Variants in SNRNP48 observed in about 807,000 individuals in gnomAD.
SNRNP48 encodes the protein U11/U12 small nuclear ribonucleoprotein 48 kDa protein.
SNRNP48 carries 43 observed loss-of-function variants against 47.0 expected under a neutral mutation model. The observed-to-expected ratio is 0.92, with a 90% CI of 0.72 to 1.18. SNRNP48 has a LOEUF of 1.18. SNRNP48 is among the 50% of genes most tolerant of loss of function. The probability of loss-of-function intolerance (pLI) is 0.00; values close to 1 mark genes in which losing one functional copy is unlikely to be tolerated. For missense variants in SNRNP48, 396 were observed against 422.2 expected, an observed-to-expected ratio of 0.94 and a Z score of 0.54; for synonymous variants, 138 against 144.0, an observed-to-expected ratio of 0.96 and a Z score of 0.30.
intron 3 of SNRNP48, 135 bp downstream of exon 3, chr6:7,594,294 T>G: frequency 4.5e-6 from 2 of 439,878 alleles, no homozygotes; most frequent in Non-Finnish European, 8.1e-6. Flanking sequence ...AATGTAGAAT[T>G]AATTAATGTA....
In SNRNP48 at chr6:7,605,502, T is replaced by C; in HGVS notation, c.806+16T>C. The C allele has an allele frequency of 1.2e-6, 2 of 1,605,358 alleles. No homozygotes were observed. The highest frequency in any genetic ancestry group is 8.5e-7 in the Non-Finnish European group (1 of 1,172,870). On this transcript the variant is annotated intron_variant, in intron 7 of 8. Coordinates refer to ENST00000342415, the MANE Select transcript of SNRNP48 (RefSeq NM_152551.4). ...ATGCCGAAAAGTACGTCATTATCTT[T>C]ATTGGTGAAAATACTCTCTCTTTGA...
Position 7,590,329 on chromosome 6 carries a change from C to T in SNRNP48, c.72C>T (p.Ser24=). The T allele has an allele frequency of 4.3e-6, 6 of 1,406,092 alleles. No homozygotes were observed. Among genetic ancestry groups the T allele is most frequent in the Non-Finnish European group, 4.7e-6 (5 of 1,066,062 alleles). 87.1% of individuals were successfully genotyped at this position (1,406,092 alleles called of 1,614,324 possible). The change falls in exon 1 of 9, where the codon AGC becomes AGT. Residue 24 remains serine (S), a synonymous_variant. Coordinates refer to ENST00000342415, the MANE Select transcript of SNRNP48 (RefSeq NM_152551.4). ...LQEELNEFVE[S]GCRTLEEVTA... is the part of the protein sequence containing the mutation. ...AGGAGCTGAACGAGTTCGTGGAGAG[C>T]GGCTGCCGGACGTTGGAGGAGGTGA...
Position 7,601,459 on chromosome 6 carries a change from C to G in SNRNP48, c.530C>G (p.Ser177Cys), listed in dbSNP as rs1760020163. Reference sequence around the variant, plus strand: ...GTTGAGGAGACAAAGAAAAAGCGCTCTGATTCTCAAATTATTGAAAATGAC... The same window carrying G: ...GTTGAGGAGACAAAGAAAAAGCGCTGTGATTCTCAAATTATTGAAAATGAC... ...FVVEETKKKRSDSQIIENDSD... is the reference protein window; with the variant it reads ...FVVEETKKKRCDSQIIENDSD... Residue 177 changes from serine (S) to cysteine (C), a missense_variant, in exon 5 of 9, where the codon TCT becomes TGT. By Grantham distance (112) the Ser-to-Cys change is moderately radical. Coordinates refer to ENST00000342415, the MANE Select transcript of SNRNP48 (RefSeq NM_152551.4). 5 of 1,602,148 alleles carry G rather than the reference C, an allele frequency of 3.1e-6. No homozygotes were observed. The highest frequency in any genetic ancestry group is 1.3e-5 in the African/African-American group (1 of 74,084).
At chr6:7,595,729 G>T (rs1001913313) in intron 4 of SNRNP48, among the ~76,000 whole-genome samples, 1 of 152,186 alleles carries the variant, frequency 6.6e-6, no homozygotes, top group African/African-American at 2.4e-5. Flanking sequence ...CCCTCAGATT[G>T]CTTGCTACCC....
chr6:7,602,477 T>C (rs1760044755), intron 5 of SNRNP48, 146 bp from the exon 6 acceptor site: 1 of 591,010 alleles, frequency 1.7e-6, no homozygotes, highest in Non-Finnish European at 2.7e-6. Context: ...TTAGCCCGTG[T>C]ATATAAATAA....
At position 7,602,591 on chromosome 6, in the gene SNRNP48, G is replaced by T. The variant is rs371826847; in HGVS notation, c.596-32G>T. The T allele has an allele frequency of 1.4e-5, 21 of 1,484,492 alleles. No individual in the cohort carries two copies. The South Asian group carries it at 1.7e-4, about 12-fold the overall frequency. 92.0% of individuals were successfully genotyped at this position (1,484,492 alleles called of 1,614,324 possible). A position where few individuals can be genotyped will look rare whatever the true frequency, so the allele number is the denominator to read the frequency against. The stretch of plus-strand genomic sequence containing the variant: ...TTCATAGAATTTAAAAGCTTTGAAG[G>T]ATATAATACTTTTATTTTATTCTTT... On this transcript the variant is annotated intron_variant, in intron 5 of 8. Transcript: ENST00000342415.
At chr6:7,605,335 C>T (rs1383274491) in intron 6 of SNRNP48, 63 bp from the exon 7 acceptor site, 6 of 1,252,484 alleles carry the variant, frequency 4.8e-6, no homozygotes, top group Non-Finnish European at 7.0e-6. Context: ...ATTTTTCTAG[C>T]GTTACAGTCT....
chr6:7,596,952 A>C (rs1249541400), intron 4 of SNRNP48, among the ~76,000 whole-genome samples: 2 of 152,234 alleles, frequency 1.3e-5, no homozygotes, highest in African/African-American at 4.8e-5. Context: ...CATCTAATCC[A>C]GTGTCTGCAT....
At chr6:7,599,849 A>G in intron 4 of SNRNP48, 1 of 1,134,904 alleles carries the variant, frequency 8.8e-7, no homozygotes, top group Non-Finnish European at 1.1e-6. Flanking sequence ...CAAGGAATTT[A>G]AGTATCAGTC....
At chr6:7,594,515 C>G (rs962131284) in intron 3 of SNRNP48, among the ~76,000 whole-genome samples, 1 of 152,100 alleles carries the variant, frequency 6.6e-6, no homozygotes. Flanking sequence ...AAGTCTTGGG[C>G]TCTGGAAAAA....
Position 7,609,976 on chromosome 6 carries a change from T to G in SNRNP48, c.*1103T>G, listed in dbSNP as rs1760203645. On this transcript the variant is annotated 3_prime_UTR_variant, in exon 9 of 9. Coordinates refer to ENST00000342415, the MANE Select transcript of SNRNP48 (RefSeq NM_152551.4). ...TGCTTTTGGTTACCGATTAGATCTA[T>G]CCATTGTAGAATTCATGTAAATAGA... is the stretch of plus-strand genomic sequence containing the variant. The G allele has an allele frequency of 6.6e-6, 1 of 152,216 alleles. No homozygotes were observed. The highest frequency in any genetic ancestry group is 6.5e-5 in the Admixed American group (1 of 15,282). 9.4% of individuals were successfully genotyped at this position (152,216 alleles called of 1,614,324 possible).
intron 6 of SNRNP48, among the ~76,000 whole-genome samples, chr6:7,602,961 A>C (rs1340126274): frequency 6.6e-6 from 1 of 152,194 alleles, no homozygotes; most frequent in Non-Finnish European, 1.5e-5. Flanking sequence ...ACAATCTTAA[A>C]AGATATCTCC....
intron 4 of SNRNP48, chr6:7,599,669 TC>T: frequency 7.8e-7 from 1 of 1,281,052 alleles, no homozygotes. Context: ...TTTTTCTTTT[TC>T]AGTAATTGGG....
At chr6:7,594,998 G>T (rs534008691) in intron 3 of SNRNP48, 29 bp from the exon 4 acceptor site, 68 of 1,532,352 alleles carry the variant, frequency 4.4e-5, no homozygotes, top group Non-Finnish European at 5.9e-5. Flanking sequence ...GATTCATATT[G>T]TATTTATGGA....
intron 7 of SNRNP48, 125 bp from the exon 8 acceptor site, chr6:7,605,906 C>A: frequency 1.0e-6 from 1 of 1,002,040 alleles, no homozygotes; most frequent in Non-Finnish European, 1.5e-6. Context: ...TAAGATTGTG[C>A]ATATTTAGAC....
chr6:7,594,079 G>A lies in SNRNP48; in HGVS notation c.271-20G>A, dbSNP rs946459127. 3.7e-6 allele frequency: 5 copies of A among 1,357,172 alleles called. No individual in the cohort carries two copies. Among genetic ancestry groups the A allele is most frequent in the Non-Finnish European group, 5.0e-6 (5 of 996,408 alleles). The allele number at this position is 1,357,172 out of a possible 1,614,324, so 84.1% of individuals were successfully genotyped here. ...GTCAATTATCTGATACTTAAGAACA[G>A]TAAGATTCTTTTTTTTCAGGATGAA... On this transcript the variant is annotated intron_variant, in intron 2 of 8. Transcript: ENST00000342415.
intron 4 of SNRNP48, among the ~76,000 whole-genome samples, chr6:7,595,630 C>G (rs541098160): frequency 6.6e-6 from 1 of 152,256 alleles, no homozygotes; most frequent in African/African-American, 2.4e-5. Context: ...GAGTGAGGCT[C>G]TTTTACTCTT....
chr6:7,595,406 G>C (rs969175993), intron 4 of SNRNP48, among the ~76,000 whole-genome samples: 2 of 152,162 alleles, frequency 1.3e-5, no homozygotes, highest in African/African-American at 4.8e-5. Context: ...AGTAAATACA[G>C]ATGGTCCCAA....
chr6:7,594,004 A>G, intron 2 of SNRNP48, 95 bp from the exon 3 acceptor site: 1 of 978,416 alleles, frequency 1.0e-6, no homozygotes, highest in Non-Finnish European at 1.5e-6. Context: ...AATTATTGTG[A>G]GAAATAATTA....
Sources: gnomAD v4.1 joint callset for allele counts (sites outside exome capture counted in the v4.1 genomes callset) on GRCh38, gnomAD v4.1.1 for gene constraint, MANE v1.5 for transcripts, NCBI Gene and HGNC (gene_info 2026-07-23, HGNC 2026-07-21) for gene names.